Variants in KCNMB2 observed in about 807,000 individuals in gnomAD.
KCNMB2 encodes the protein potassium calcium-activated channel subfamily M regulatory beta subunit 2.
In KCNMB2, 9 loss-of-function variants were observed where a neutral mutation model predicts 24.5. That is an observed-to-expected ratio of 0.37 (90% CI 0.22 to 0.64). The LOEUF (loss-of-function observed/expected upper bound fraction) is 0.64, where lower values mean the gene tolerates loss of function less well. Ranked by LOEUF, KCNMB2 falls within the 30% of genes least tolerant of loss-of-function variation. The probability of loss-of-function intolerance (pLI) is 0.63; values close to 1 mark genes in which losing one functional copy is unlikely to be tolerated. For synonymous variants in KCNMB2, 109 were observed against 104.4 expected, an observed-to-expected ratio of 1.04 and a Z score of -0.27; for missense variants, 226 against 284.3, an observed-to-expected ratio of 0.79 and a Z score of 1.47.
chr3:178,732,066 C>T (rs1201978766), intron 1 of KCNMB2, among the ~76,000 whole-genome samples: 1 of 151,730 alleles, frequency 6.6e-6, no homozygotes, highest in Admixed American at 6.6e-5. Context: ...AAGGTAAAAA[C>T]AAGAGAGAAA....
intron 1 of KCNMB2, among the ~76,000 whole-genome samples, chr3:178,780,588 C>A (rs1560018672): frequency 6.6e-6 from 1 of 152,132 alleles, no homozygotes; most frequent in African/African-American, 2.4e-5. Context: ...TATCAAAATA[C>A]CCTGCTGTAA....
At chr3:178,682,716 A>T (rs1721312071) in intron 1 of KCNMB2, among the ~76,000 whole-genome samples, 1 of 152,152 alleles carries the variant, frequency 6.6e-6, no homozygotes, top group African/African-American at 2.4e-5. Context: ...ATAAGAACAG[A>T]CACTTCTTAA....
intron 1 of KCNMB2, among the ~76,000 whole-genome samples, chr3:178,561,417 C>T (rs1322667386): frequency 3.3e-5 from 5 of 152,164 alleles, no homozygotes; most frequent in African/African-American, 1.2e-4. Flanking sequence ...TGTGGAGTTG[C>T]GCAACTAGAC....
chr3:178,662,409 A>T (rs1188186879), intron 1 of KCNMB2, among the ~76,000 whole-genome samples: 1 of 152,194 alleles, frequency 6.6e-6, no homozygotes, highest in Non-Finnish European at 1.5e-5. Context: ...AGACACATAA[A>T]ATGCAAGATA....
chr3:178,724,762 CT>C lies in KCNMB2; in HGVS notation c.-67-82577del, dbSNP rs200626703. Among the ~76,000 whole-genome samples, 1,174 of 152,126 alleles carry C rather than the reference CT, an allele frequency of 7.7e-3. 9 individuals carry two copies. Among genetic ancestry groups the C allele is most frequent in the Non-Finnish European group, 0.012 (790 of 67,956 alleles). Reference sequence around the variant, plus strand: ...CAGCACCACTTATTGAATAGCGTACCTTTTCCCCACTGTTTATTTTTGTTAA... The same window carrying C: ...CAGCACCACTTATTGAATAGCGTACCTTTCCCCACTGTTTATTTTTGTTAA... On this transcript the variant is annotated intron_variant, in intron 1 of 4. Transcript: ENST00000452583.
At chr3:178,689,171 TTCTC>T (rs562875466) in intron 1 of KCNMB2, among the ~76,000 whole-genome samples, 247 of 151,974 alleles carry the variant, frequency 1.6e-3, no homozygotes, top group African/African-American at 5.8e-3. Flanking sequence ...ATTTGTGTCA[TTCTC>T]TCCTCAAAAA....
chr3:178,751,680 AG>A (rs1723856851), intron 1 of KCNMB2, among the ~76,000 whole-genome samples: 1 of 149,450 alleles, frequency 6.7e-6, no homozygotes, highest in Non-Finnish European at 1.5e-5. Flanking sequence ...AAGGTACAAT[AG>A]GGAAGAGGGA....
chr3:178,628,676 C>A (rs985882879), intron 1 of KCNMB2, among the ~76,000 whole-genome samples: 1 of 152,084 alleles, frequency 6.6e-6, no homozygotes, highest in African/African-American at 2.4e-5. Context: ...ACGTGATAAA[C>A]TTTACCATAG....
At chr3:178,776,391 G>T (rs1449370781) in intron 1 of KCNMB2, among the ~76,000 whole-genome samples, 1 of 151,850 alleles carries the variant, frequency 6.6e-6, no homozygotes, top group African/African-American at 2.4e-5. Flanking sequence ...CCTACCCTTG[G>T]TTGGAGTATG....
chr3:178,798,969 A>G (rs1369936428), intron 1 of KCNMB2, among the ~76,000 whole-genome samples: 1 of 146,512 alleles, frequency 6.8e-6, no homozygotes, highest in Middle Eastern at 3.4e-3. Context: ...CTAAAATACA[A>G]TATCTCTTGA....
In KCNMB2 at chr3:178,642,090, T is replaced by C. The variant is rs9290660; in HGVS notation, c.-68+105379T>C. ...TGTAATAATATACAGCAGTTTATTC[T>C]AAGTATCTCTAAGATTTGTTTGGGG... On this transcript the variant is annotated intron_variant, in intron 1 of 4. Transcript: ENST00000452583. Among the ~76,000 whole-genome samples, 924 of 152,288 alleles carry C rather than the reference T, an allele frequency of 6.1e-3. 7 individuals are homozygous for C. The highest frequency in any genetic ancestry group is 0.021 in the African/African-American group (869 of 41,568).
chr3:178,776,958 C>T (rs570548495), intron 1 of KCNMB2, among the ~76,000 whole-genome samples: 8 of 152,008 alleles, frequency 5.3e-5, no homozygotes, highest in East Asian at 1.9e-4. Flanking sequence ...TGGGGGTTTC[C>T]GGCAACTACA....
intron 1 of KCNMB2, among the ~76,000 whole-genome samples, chr3:178,753,874 G>C (rs1219208108): frequency 6.6e-6 from 1 of 151,824 alleles, no homozygotes; most frequent in African/African-American, 2.4e-5. Flanking sequence ...CATGTCGTAG[G>C]ATGAATCTCT....
rs1388988271 is a variant in KCNMB2 at position 178,757,767 on chromosome 3, TATCC to T, written c.-67-49574_-67-49571del. ...ATATATATAAGAGGATATATATATA[TATCC>T]AAGAGGATATATATACATATATCTT... is the stretch of plus-strand genomic sequence containing the variant. On this transcript the variant is annotated intron_variant, in intron 1 of 4. Coordinates refer to ENST00000452583, the MANE Select transcript of KCNMB2 (RefSeq NM_181361.3). Among the ~76,000 whole-genome samples the T allele has an allele frequency of 4.6e-5, 5 of 109,098 alleles. 1 individual carries two copies. Among genetic ancestry groups the T allele is most frequent in the Non-Finnish European group, 9.2e-5 (5 of 54,328 alleles). The allele number at this position is 109,098 out of a possible 152,430, so 71.6% of individuals were successfully genotyped here. A position where few individuals can be genotyped will look rare whatever the true frequency, so the allele number is the denominator to read the frequency against.
intron 1 of KCNMB2, among the ~76,000 whole-genome samples, chr3:178,755,433 A>G (rs1723997775): frequency 6.6e-6 from 1 of 152,242 alleles, no homozygotes; most frequent in African/African-American, 2.4e-5. Context: ...AGCTTAATGT[A>G]GAGTAGGAAA....
intron 1 of KCNMB2, among the ~76,000 whole-genome samples, chr3:178,650,711 G>A (rs34508762): frequency 0.35 from 52,761 of 151,892 alleles, 9,652 homozygotes; most frequent in African/African-American, 0.46. Context: ...AATATCCACC[G>A]TGATCACGTT....
chr3:178,605,534 T>C (rs1200656140), intron 1 of KCNMB2, among the ~76,000 whole-genome samples: 5 of 152,140 alleles, frequency 3.3e-5, no homozygotes, highest in African/African-American at 1.2e-4. Flanking sequence ...TTTCCATGAA[T>C]AGACCTTTAA....
intron 1 of KCNMB2, among the ~76,000 whole-genome samples, chr3:178,618,537 C>T (rs1490090635): frequency 6.6e-6 from 1 of 152,190 alleles, no homozygotes; most frequent in African/African-American, 2.4e-5. Flanking sequence ...TTCTTTCACT[C>T]TCTTTATGCC....
intron 1 of KCNMB2, among the ~76,000 whole-genome samples, chr3:178,696,370 T>C (rs1032636505): frequency 1.3e-5 from 2 of 152,354 alleles, no homozygotes; most frequent in East Asian, 1.9e-4. Context: ...CCAGATTTTC[T>C]AGATTGTGTG....
Sources: gnomAD v4.1 joint callset for allele counts (sites outside exome capture counted in the v4.1 genomes callset) on GRCh38, gnomAD v4.1.1 for gene constraint, MANE v1.5 for transcripts, NCBI Gene and HGNC (gene_info 2026-07-23, HGNC 2026-07-21) for gene names.